The following CPS1 variants were observed in gnomAD, a reference collection of about 807,000 sequenced individuals.
CPS1 encodes the protein carbamoyl-phosphate synthase 1, also known as carbamoyl-phosphate synthase [ammonia], mitochondrial.
In CPS1, 109 loss-of-function variants were observed where a neutral mutation model predicts 174.6. The ratio of observed to expected loss-of-function variants is 0.62; its 90% confidence interval spans 0.53 to 0.73. The LOEUF (loss-of-function observed/expected upper bound fraction) is 0.73. CPS1 is among the 30% of genes least tolerant of loss of function. The pLI is 0.00. For synonymous variants in CPS1, 637 were observed against 632.0 expected (o/e 1.01, Z -0.12); for missense variants, 1,689 against 1,821.9 (o/e 0.93, Z 1.33).
At chr2:210,523,125 C>T (rs1368790834) in intron 1 of CPS1, among the ~76,000 whole-genome samples, 1 of 151,946 alleles carries the variant, frequency 6.6e-6, no homozygotes, top group Non-Finnish European at 1.5e-5. Flanking sequence ...CTTATCTAAG[C>T]CTCTGTTTTG....
chr2:210,559,167 T>C (rs1697018207), intron 1 of CPS1, among the ~76,000 whole-genome samples: 1 of 152,070 alleles, frequency 6.6e-6, no homozygotes. Context: ...TTAAAGATAG[T>C]TAAAATCATT....
chr2:210,503,706 T>A (rs561447008), intron 1 of CPS1, among the ~76,000 whole-genome samples: 3 of 152,298 alleles, frequency 2.0e-5, no homozygotes, highest in Non-Finnish European at 4.4e-5. Flanking sequence ...ACATTCAGGT[T>A]ACAATGGAAA....
chr2:210,583,935 C>A (rs4399666), intron 6 of CPS1, among the ~76,000 whole-genome samples: 92,435 of 151,994 alleles, frequency 0.61, 28,698 homozygotes, highest in African/African-American at 0.73. Flanking sequence ...CAACCTAGGC[C>A]GCTTATACAA....
At chr2:210,666,201 AG>A (rs1237859069) in intron 33 of CPS1, among the ~76,000 whole-genome samples, 3 of 150,208 alleles carry the variant, frequency 2.0e-5, no homozygotes, top group Non-Finnish European at 4.4e-5. Flanking sequence ...AATTTGTTTG[AG>A]TTCATTGTAG....
chr2:210,568,967 T>TC (rs1192324268), intron 1 of CPS1, among the ~76,000 whole-genome samples: 1 of 152,122 alleles, frequency 6.6e-6, no homozygotes, highest in Non-Finnish European at 1.5e-5. Flanking sequence ...GCTTTTTTTT[T>TC]CTACTATAAC....
intron 30 of CPS1, chr2:210,658,204 T>C (rs1700784487): frequency 3.7e-6 from 1 of 273,052 alleles, no homozygotes; most frequent in Non-Finnish European, 7.1e-6. Context: ...TACCATGTAA[T>C]TTCAGGGCCT....
chr2:210,543,392 G>A (rs1022503343), intron 1 of CPS1, among the ~76,000 whole-genome samples: 5 of 151,768 alleles, frequency 3.3e-5, no homozygotes, highest in African/African-American at 1.2e-4. Context: ...TCCCCTGCTT[G>A]GTTCAATATC....
intron 21 of CPS1, among the ~76,000 whole-genome samples, chr2:210,630,831 G>T (rs527825245): frequency 6.6e-6 from 1 of 152,252 alleles, no homozygotes; most frequent in African/African-American, 2.4e-5. Context: ...TCCACTGATG[G>T]CATTATTGTG....
At chr2:210,503,654 A>G (rs1368046517) in intron 1 of CPS1, among the ~76,000 whole-genome samples, 4 of 152,070 alleles carry the variant, frequency 2.6e-5, no homozygotes, top group Non-Finnish European at 5.9e-5. Context: ...AATTTTAGGA[A>G]TCCAAAAACG....
At chr2:210,517,184 A>C (rs1695705041) in intron 1 of CPS1, among the ~76,000 whole-genome samples, 1 of 151,972 alleles carries the variant, frequency 6.6e-6, no homozygotes, top group Non-Finnish European at 1.5e-5. Flanking sequence ...AAACACATTG[A>C]ACTTTTTCAC....
intron 1 of CPS1, among the ~76,000 whole-genome samples, chr2:210,497,050 A>G (rs1574468016): frequency 6.6e-6 from 1 of 152,158 alleles, no homozygotes; most frequent in African/African-American, 2.4e-5. Context: ...AATTAGCTCT[A>G]ATAAGCTCAG....
intron 24 of CPS1, among the ~76,000 whole-genome samples, chr2:210,640,589 GT>G (rs747148029): frequency 3.9e-5 from 6 of 152,072 alleles, no homozygotes; most frequent in Non-Finnish European, 7.4e-5. Context: ...TTTCTCTCCA[GT>G]CAATTAAATA....
chr2:210,654,353 C>A (rs938396705), intron 29 of CPS1, among the ~76,000 whole-genome samples: 2 of 152,170 alleles, frequency 1.3e-5, no homozygotes, highest in South Asian at 4.1e-4. Context: ...CTGTACTCAT[C>A]ATTCCTTTTG....
rs182581849 is a variant in CPS1 at position 210,645,587 on chromosome 2, G to T, written c.3142-2276G>T. On this transcript the variant is annotated intron_variant, in intron 25 of 37. Transcript: ENST00000233072. ...AGGAGGGTAGATCACTTGAGGCCAG[G>T]AGTTCAAGACCAGCCTGGACCCCAT... is the stretch of plus-strand genomic sequence containing the variant. Among the ~76,000 whole-genome samples, 4 of 152,222 alleles carry T rather than the reference G, an allele frequency of 2.6e-5. No individual in the cohort carries two copies. In the East Asian group the frequency reaches 5.8e-4, roughly 22 times the overall value.
chr2:210,603,905 A>C (rs1698812791), intron 16 of CPS1, among the ~76,000 whole-genome samples: 1 of 151,904 alleles, frequency 6.6e-6, no homozygotes, highest in South Asian at 2.1e-4. Flanking sequence ...TTTACATAAA[A>C]TCGAAGACTT....
chr2:210,549,116 A>G (rs1178743581), intron 1 of CPS1, among the ~76,000 whole-genome samples: 2 of 152,040 alleles, frequency 1.3e-5, no homozygotes, highest in African/African-American at 2.4e-5. Context: ...CTTCTCTGTG[A>G]TCCTCAAATA....
intron 34 of CPS1, among the ~76,000 whole-genome samples, chr2:210,670,240 A>C (rs1187430749): frequency 1.3e-5 from 2 of 152,174 alleles, no homozygotes; most frequent in Non-Finnish European, 2.9e-5. Context: ...AAAGGAACTT[A>C]ATAAAATTAT....
At chr2:210,589,654 T>G (rs1221537276) in intron 7 of CPS1, among the ~76,000 whole-genome samples, 1 of 151,816 alleles carries the variant, frequency 6.6e-6, no homozygotes. Context: ...TAATGGTGTT[T>G]ATTTTTATTT....
intron 1 of CPS1, among the ~76,000 whole-genome samples, chr2:210,519,279 A>G (rs1695759319): frequency 6.6e-6 from 1 of 152,086 alleles, no homozygotes; most frequent in Admixed American, 6.6e-5. Context: ...CAGATAAGTT[A>G]TATGAAAATT....
Sources: gnomAD v4.1 joint callset for allele counts (sites outside exome capture counted in the v4.1 genomes callset) on GRCh38, gnomAD v4.1.1 for gene constraint, MANE v1.5 for transcripts, NCBI Gene and HGNC (gene_info 2026-07-23, HGNC 2026-07-21) for gene names.